The following SYBU variants were observed in gnomAD, a reference collection of about 807,000 sequenced individuals.
SYBU encodes the protein syntabulin.
SYBU carries 21 observed loss-of-function variants against 35.9 expected under a neutral mutation model. The observed-to-expected ratio is 0.58, with a 90% CI of 0.41 to 0.84. SYBU has a LOEUF of 0.84. SYBU is among the 40% of genes least tolerant of loss of function. The pLI is 0.00. For synonymous variants in SYBU, 319 were observed against 324.3 expected (o/e 0.98, Z 0.18); for missense variants, 768 against 848.2 (o/e 0.91, Z 1.17).
chr8:109,615,983 ATTTCT>A (rs200052278), intron 3 of SYBU, among the ~76,000 whole-genome samples: 4,328 of 105,874 alleles, frequency 0.041, 163 homozygotes, highest in East Asian at 0.092. Flanking sequence ...ATTCCCTGTA[ATTTCT>A]TTTCTTTTCT....
intron 3 of SYBU, among the ~76,000 whole-genome samples, chr8:109,590,767 GAA>G (rs10691264): frequency 2.5e-5 from 3 of 122,038 alleles, no homozygotes; most frequent in African/African-American, 2.7e-5. Context: ...CATAAAATTA[GAA>G]AAAAAAAAAA....
intron 1 of SYBU, among the ~76,000 whole-genome samples, chr8:109,660,539 C>A (rs1816522466): frequency 6.6e-6 from 1 of 152,032 alleles, no homozygotes; most frequent in Non-Finnish European, 1.5e-5. Context: ...TACCAGATTA[C>A]TATCTATCCA....
intron 1 of SYBU, among the ~76,000 whole-genome samples, chr8:109,675,156 T>C (rs147167243): frequency 2.3e-3 from 343 of 152,100 alleles, no homozygotes; most frequent in African/African-American, 7.9e-3. Context: ...AGAGGGAAAT[T>C]TGTAGCACTA....
chr8:109,612,829 A>C (rs745655438), intron 3 of SYBU, among the ~76,000 whole-genome samples: 5 of 152,108 alleles, frequency 3.3e-5, no homozygotes, highest in African/African-American at 4.8e-5. Flanking sequence ...AAAACACAAA[A>C]ATTAGCCAGG....
chr8:109,630,902 A>G (rs1187754773), intron 2 of SYBU, among the ~76,000 whole-genome samples: 1 of 152,198 alleles, frequency 6.6e-6, no homozygotes, highest in Non-Finnish European at 1.5e-5. Context: ...ACAGGAGAAG[A>G]GGCCAACAAG....
At chr8:109,616,097 C>T (rs1167452570) in intron 3 of SYBU, among the ~76,000 whole-genome samples, 4 of 146,564 alleles carry the variant, frequency 2.7e-5, no homozygotes, top group African/African-American at 1.0e-4. Flanking sequence ...TTGCAACCTC[C>T]GCCTCCAGGG....
At chr8:109,619,377 C>T (rs1054932233) in intron 2 of SYBU, among the ~76,000 whole-genome samples, 1 of 151,992 alleles carries the variant, frequency 6.6e-6, no homozygotes, top group Admixed American at 6.6e-5. Context: ...ACGTATGCCA[C>T]CAGGCCCGGG....
At chr8:109,654,010 A>C (rs1816257333) in intron 1 of SYBU, among the ~76,000 whole-genome samples, 1 of 152,208 alleles carries the variant, frequency 6.6e-6, no homozygotes, top group Non-Finnish European at 1.5e-5. Flanking sequence ...AACATGGAAG[A>C]GCACCCTGCA....
At chr8:109,671,232 C>T (rs1816968509) in intron 1 of SYBU, among the ~76,000 whole-genome samples, 1 of 149,788 alleles carries the variant, frequency 6.7e-6, no homozygotes, top group Non-Finnish European at 1.5e-5. Flanking sequence ...TCAGCATTTC[C>T]AGTTTTTTTT....
chr8:109,670,261 T>C (rs750203113), intron 1 of SYBU, among the ~76,000 whole-genome samples: 1 of 151,972 alleles, frequency 6.6e-6, no homozygotes, highest in Non-Finnish European at 1.5e-5. Flanking sequence ...TTTTTTATTA[T>C]TATACTTTTA....
intron 1 of SYBU, chr8:109,680,050 T>C (rs1454393277): frequency 6.6e-6 from 1 of 152,142 alleles, no homozygotes; most frequent in African/African-American, 2.4e-5. Context: ...CTGTGAAAGC[T>C]CCCAACCAGG....
intron 2 of SYBU, among the ~76,000 whole-genome samples, chr8:109,626,768 G>C (rs530832405): frequency 6.6e-6 from 1 of 152,084 alleles, no homozygotes; most frequent in African/African-American, 2.4e-5. Context: ...AAATTAGCTG[G>C]GCATGATAGT....
chr8:109,586,787 A>C (rs1459503403), intron 3 of SYBU, among the ~76,000 whole-genome samples: 1 of 152,240 alleles, frequency 6.6e-6, no homozygotes, highest in African/African-American at 2.4e-5. Context: ...GAACCTGTAA[A>C]TTACACTGAA....
At chr8:109,613,324 G>A (rs796873227) in intron 3 of SYBU, among the ~76,000 whole-genome samples, 3 of 152,296 alleles carry the variant, frequency 2.0e-5, no homozygotes, top group African/African-American at 7.2e-5. Flanking sequence ...CATTTAGTGA[G>A]GAATTACTTT....
chr8:109,603,439 C>T (rs1268110853), intron 3 of SYBU: 1 of 983,516 alleles, frequency 1.0e-6, no homozygotes, highest in African/African-American at 1.7e-5. Flanking sequence ...ATCTCACTCT[C>T]AGTGACATCT....
intron 1 of SYBU, among the ~76,000 whole-genome samples, chr8:109,674,275 C>A (rs1817098529): frequency 6.6e-6 from 1 of 150,634 alleles, no homozygotes; most frequent in African/African-American, 2.4e-5. Flanking sequence ...ATTTTAAGGG[C>A]AGCCCAAGAG....
chr8:109,576,144 A>T lies in SYBU; in HGVS notation c.885-131T>A. On this transcript the variant is annotated intron_variant, in intron 6 of 6. Transcript: ENST00000276646. Reference sequence around the variant, plus strand: ...GAGCTCATACTCTTCCACTTGAAATACAGATGTGAAATCAGTTTTCAATGC... The same window carrying T: ...GAGCTCATACTCTTCCACTTGAAATTCAGATGTGAAATCAGTTTTCAATGC... 3.5e-6 allele frequency: 4 copies of T among 1,156,104 alleles called. No homozygotes were observed. The South Asian group carries it at 7.6e-5, about 22-fold the overall frequency. 71.6% of individuals were successfully genotyped at this position (1,156,104 alleles called of 1,614,324 possible).
rs146845128 is a variant in SYBU, at chr8:109,676,635, C to T, written c.-129+4076G>A. 5.2e-3 allele frequency among the ~76,000 whole-genome samples: 798 copies of T among 152,270 alleles called. 4 individuals are homozygous for T. The highest frequency in any genetic ancestry group is 0.018 in the African/African-American group (765 of 41,564). On this transcript the variant is annotated intron_variant, in intron 1 of 5. Coordinates refer to the SYBU transcript ENST00000408889. ...TGGAATCCAGGGTTTCATTATAAAT[C>T]GCAGTTGCTTAACTCCAATTTCACA...
At chr8:109,599,883 G>A (rs909076189) in intron 3 of SYBU, among the ~76,000 whole-genome samples, 1 of 152,150 alleles carries the variant, frequency 6.6e-6, no homozygotes, top group Non-Finnish European at 1.5e-5. Context: ...GTTTCCTGAA[G>A]GAGGCACGAT....
Sources: gnomAD v4.1 joint callset for allele counts (sites outside exome capture counted in the v4.1 genomes callset) on GRCh38, gnomAD v4.1.1 for gene constraint, MANE v1.5 for transcripts, NCBI Gene and HGNC (gene_info 2026-07-23, HGNC 2026-07-21) for gene names.